The following MAPKAP1 variants were observed in gnomAD, a reference collection of about 807,000 sequenced individuals.
MAPKAP1 encodes target of rapamycin complex 2 subunit MAPKAP1.
Under a neutral mutation model 65.7 loss-of-function variants are expected in MAPKAP1, and 20 were observed. The ratio of observed to expected loss-of-function variants is 0.30; its 90% CI spans 0.21 to 0.44. MAPKAP1 has a LOEUF of 0.44. MAPKAP1 is among the 20% of genes least tolerant of loss of function. The probability of loss-of-function intolerance (pLI) is 1.00; values close to 1 mark genes in which losing one functional copy is unlikely to be tolerated. For missense variants in MAPKAP1, 423 were observed against 648.0 expected, an observed-to-expected ratio of 0.65 and a Z score of 3.77; for synonymous variants, 222 against 244.3, an observed-to-expected ratio of 0.91 and a Z score of 0.85.
Position 125,698,306 on chromosome 9 carries a change from T to A in MAPKAP1, c.-70+8665A>T, listed in dbSNP as rs1278196604. On this transcript the variant is annotated intron_variant, in intron 1 of 11. Coordinates refer to ENST00000265960, the MANE Select transcript of MAPKAP1 (RefSeq NM_001006617.3). ...ATATATAAATATATATATATATATA[T>A]ATATATATATATATATATATATATA... Among the ~76,000 whole-genome samples, 178 of 44,276 alleles carry A rather than the reference T, an allele frequency of 4.0e-3. 5 individuals are homozygous for A. Among genetic ancestry groups the A allele is most frequent in the African/African-American group, 0.016 (170 of 10,670 alleles). The allele number at this position is 44,276 out of a possible 152,430, so 29.0% of individuals were successfully genotyped here.
chr9:125,607,205 T>C (rs1348632962), intron 4 of MAPKAP1, among the ~76,000 whole-genome samples: 1 of 152,198 alleles, frequency 6.6e-6, no homozygotes. Context: ...AATTGCAATT[T>C]CATAGGGTTT....
chr9:125,685,138 A>T (rs1398102186), intron 1 of MAPKAP1, among the ~76,000 whole-genome samples: 1 of 152,084 alleles, frequency 6.6e-6, no homozygotes, highest in Non-Finnish European at 1.5e-5. Flanking sequence ...TAGATGCAGA[A>T]AACACAGCAG....
At chr9:125,706,520 A>G (rs1402732151) in intron 1 of MAPKAP1, among the ~76,000 whole-genome samples, 1 of 152,126 alleles carries the variant, frequency 6.6e-6, no homozygotes. Context: ...TCCCATAAAC[A>G]AAGAATGAAT....
intron 4 of MAPKAP1, among the ~76,000 whole-genome samples, chr9:125,640,846 T>C (rs1401957313): frequency 6.6e-6 from 1 of 152,326 alleles, no homozygotes; most frequent in South Asian, 2.1e-4. Context: ...ATGCAACATG[T>C]TGGGAAATTT....
At chr9:125,475,008 A>T (rs1445935378) in intron 9 of MAPKAP1, among the ~76,000 whole-genome samples, 1 of 152,240 alleles carries the variant, frequency 6.6e-6, no homozygotes. Context: ...TCCACAGAGC[A>T]GTCAGGGAAG....
At chr9:125,451,828 G>C (rs1168509596) in intron 10 of MAPKAP1, among the ~76,000 whole-genome samples, 1 of 29,712 alleles carries the variant, frequency 3.4e-5, no homozygotes, top group Non-Finnish European at 7.2e-5. Context: ...TTTTTTTTTT[G>C]AGGCAGAGTC....
At chr9:125,675,588 T>C (rs914767357) in intron 1 of MAPKAP1, among the ~76,000 whole-genome samples, 1 of 152,210 alleles carries the variant, frequency 6.6e-6, no homozygotes, top group Admixed American at 6.5e-5. Context: ...CCAGCTCTGA[T>C]ATGGAACTCC....
intron 10 of MAPKAP1, among the ~76,000 whole-genome samples, chr9:125,456,477 C>T (rs190723165): frequency 1.3e-5 from 2 of 152,330 alleles, no homozygotes; most frequent in Non-Finnish European, 1.5e-5. Context: ...ATGATCCTAC[C>T]TTCTGCTTTT....
At chr9:125,442,149 A>G (rs1383408974) in intron 11 of MAPKAP1, among the ~76,000 whole-genome samples, 1 of 151,430 alleles carries the variant, frequency 6.6e-6, no homozygotes, top group East Asian at 1.9e-4. Context: ...AAAAAAAAAA[A>G]AAAAAATCAG....
chr9:125,446,804 C>T (rs1031963409), intron 10 of MAPKAP1, among the ~76,000 whole-genome samples: 17 of 152,298 alleles, frequency 1.1e-4, no homozygotes, highest in African/African-American at 4.1e-4. Context: ...CCTGCTCCCG[C>T]TTGTCACTGA....
At chr9:125,649,329 G>A (rs1195466332) in intron 4 of MAPKAP1, among the ~76,000 whole-genome samples, 1 of 152,166 alleles carries the variant, frequency 6.6e-6, no homozygotes, top group African/African-American at 2.4e-5. Flanking sequence ...CGTCCATGTT[G>A]TTTACCTCTT....
chr9:125,575,960 A>G (rs1177955383), intron 5 of MAPKAP1, among the ~76,000 whole-genome samples: 1 of 152,266 alleles, frequency 6.6e-6, no homozygotes, highest in Non-Finnish European at 1.5e-5. Context: ...CTTTCAATAG[A>G]TGAATGAATA....
intron 8 of MAPKAP1, among the ~76,000 whole-genome samples, chr9:125,485,199 GC>G (rs1175588387): frequency 6.6e-6 from 1 of 152,182 alleles, no homozygotes; most frequent in South Asian, 2.1e-4. Context: ...TACTGACAGA[GC>G]CCCCACTGGC....
intron 1 of MAPKAP1, among the ~76,000 whole-genome samples, chr9:125,692,386 T>C (rs1835195563): frequency 6.6e-6 from 1 of 152,246 alleles, no homozygotes; most frequent in Non-Finnish European, 1.5e-5. Flanking sequence ...TTGAAAATTA[T>C]TACATTATAT....
chr9:125,649,877 G>A (rs956922993), intron 4 of MAPKAP1, among the ~76,000 whole-genome samples: 2 of 151,982 alleles, frequency 1.3e-5, no homozygotes, highest in African/African-American at 4.8e-5. Context: ...GCCCAGCTAG[G>A]TGACCCTGGG....
intron 9 of MAPKAP1, among the ~76,000 whole-genome samples, chr9:125,474,856 A>G (rs190538607): frequency 1.1e-4 from 17 of 152,350 alleles, no homozygotes; most frequent in Non-Finnish European, 1.9e-4. Context: ...ATCCTGGAGC[A>G]GCTTTTTACA....
intron 3 of MAPKAP1, among the ~76,000 whole-genome samples, chr9:125,664,176 G>A (rs1213115808): frequency 2.0e-5 from 3 of 151,354 alleles, no homozygotes; most frequent in Non-Finnish European, 2.9e-5. Flanking sequence ...GTAAAACCCC[G>A]TCTCTACCAA....
intron 3 of MAPKAP1, among the ~76,000 whole-genome samples, chr9:125,667,592 T>A (rs764568197): frequency 8.5e-5 from 13 of 152,218 alleles, no homozygotes; most frequent in Non-Finnish European, 1.5e-5. Context: ...TTTGTATTTT[T>A]AGTAGAAATG....
intron 1 of MAPKAP1, among the ~76,000 whole-genome samples, chr9:125,700,250 ATT>A (rs1231765340): frequency 2.0e-5 from 3 of 152,152 alleles, no homozygotes; most frequent in African/African-American, 7.2e-5. Flanking sequence ...CCTTCAAACA[ATT>A]TTCTACCAAT....
Sources: gnomAD v4.1 joint callset for allele counts (sites outside exome capture counted in the v4.1 genomes callset) on GRCh38, gnomAD v4.1.1 for gene constraint, MANE v1.5 for transcripts, NCBI Gene and HGNC (gene_info 2026-07-23, HGNC 2026-07-21) for gene names.